Variants in AIM2 observed in about 807,000 individuals in gnomAD.
AIM2 encodes the protein interferon-inducible protein AIM2.
In AIM2, 30 loss-of-function variants were observed where a neutral mutation model predicts 27.7. The ratio of observed to expected loss-of-function variants is 1.08; its 90% CI spans 0.81 to 1.47. The LOEUF (loss-of-function observed/expected upper bound fraction) is 1.47. Ranked by LOEUF, AIM2 falls within the 40% of genes most tolerant of loss-of-function variation. AIM2 has a pLI of 0.00. For synonymous variants in AIM2, 141 were observed against 145.3 expected, an observed-to-expected ratio of 0.97 and a Z score of 0.21; for missense variants, 358 against 411.3, an observed-to-expected ratio of 0.87 and a Z score of 1.12.
At chr1:159,097,941 T>G (rs780190608) in intron 1 of AIM2, among the ~76,000 whole-genome samples, 1 of 152,142 alleles carries the variant, frequency 6.6e-6, no homozygotes, top group Non-Finnish European at 1.5e-5. Context: ...TTCGTTTTTC[T>G]CATTTTGTAC....
chr1:159,116,113 C>T (rs1029713688), intron 1 of AIM2, among the ~76,000 whole-genome samples: 3 of 151,642 alleles, frequency 2.0e-5, no homozygotes, highest in South Asian at 2.1e-4. Flanking sequence ...CAGAGAAATG[C>T]AAATCAAAAC....
chr1:159,060,029 C>T (rs1655780989), downstream of AIM2, among the ~76,000 whole-genome samples: 1 of 152,158 alleles, frequency 6.6e-6, no homozygotes, highest in Non-Finnish European at 1.5e-5. Flanking sequence ...AAACATTTTA[C>T]AGACCAGTTT....
chr1:159,135,239 C>T (rs530940926), intron 1 of AIM2, among the ~76,000 whole-genome samples: 1 of 152,246 alleles, frequency 6.6e-6, no homozygotes, highest in Non-Finnish European at 1.5e-5. Flanking sequence ...TCTATTTAAC[C>T]TGTCTCTAGA....
chr1:159,075,981 G>A (rs758325549), intron 1 of AIM2, among the ~76,000 whole-genome samples: 8 of 152,088 alleles, frequency 5.3e-5, no homozygotes, highest in Admixed American at 2.6e-4. Flanking sequence ...GTTGGTAAGC[G>A]CTGGAGAAAC....
At chr1:159,073,540 G>C (rs1312702153) in intron 1 of AIM2, 21 bp from the exon 2 acceptor site, 1 of 1,583,584 alleles carries the variant, frequency 6.3e-7, no homozygotes. Flanking sequence ...TCCAAAACAT[G>C]TAAGATTACA....
chr1:159,119,538 G>A (rs1480617865), intron 1 of AIM2, among the ~76,000 whole-genome samples: 1 of 151,942 alleles, frequency 6.6e-6, no homozygotes, highest in Non-Finnish European at 1.5e-5. Flanking sequence ...GACCCCAATT[G>A]TTCTCTAGAA....
At chr1:159,066,377 A>T (rs200960573) in intron 3 of AIM2, 48 bp from the exon 4 acceptor site, 1 of 1,544,140 alleles carries the variant, frequency 6.5e-7, no homozygotes, top group South Asian at 1.2e-5. Flanking sequence ...AAAAGGTACT[A>T]TTGAAAGGAC....
chr1:159,060,473 C>G (rs1429163790), downstream of AIM2, among the ~76,000 whole-genome samples: 1 of 152,170 alleles, frequency 6.6e-6, no homozygotes, highest in Non-Finnish European at 1.5e-5. Context: ...TTTACAAATG[C>G]ATGTAGTCAT....
At chr1:159,123,476 C>A (rs1354700642) in intron 1 of AIM2, 2 of 152,118 alleles carry the variant, frequency 1.3e-5, no homozygotes, top group Non-Finnish European at 1.5e-5. Flanking sequence ...TGTTTTCCAA[C>A]TTCGTCGTAT....
intron 1 of AIM2, among the ~76,000 whole-genome samples, chr1:159,104,359 A>G (rs747855780): frequency 6.6e-6 from 1 of 152,208 alleles, no homozygotes; most frequent in Non-Finnish European, 1.5e-5. Context: ...TAAATGTGCA[A>G]CTGAGGAACT....
chr1:159,113,721 A>G (rs1647253937), intron 1 of AIM2, among the ~76,000 whole-genome samples: 1 of 152,228 alleles, frequency 6.6e-6, no homozygotes, highest in African/African-American at 2.4e-5. Flanking sequence ...ACCTCACTGG[A>G]ATCTCCTTCC....
At chr1:159,123,162 G>C (rs1488378383) in intron 1 of AIM2, among the ~76,000 whole-genome samples, 1 of 152,108 alleles carries the variant, frequency 6.6e-6, no homozygotes, top group Non-Finnish European at 1.5e-5. Context: ...CATTATCATA[G>C]TTATTTATAG....
downstream of AIM2, among the ~76,000 whole-genome samples, chr1:159,059,308 G>A (rs925080680): frequency 3.9e-5 from 6 of 151,952 alleles, no homozygotes; most frequent in African/African-American, 1.5e-4. Flanking sequence ...GTATGTATAT[G>A]TGTGTGTATA....
At chr1:159,071,749 A>G (rs1000484870) in intron 2 of AIM2, among the ~76,000 whole-genome samples, 2 of 152,190 alleles carry the variant, frequency 1.3e-5, no homozygotes, top group African/African-American at 4.8e-5. Flanking sequence ...AACTCAAGTG[A>G]TCCACCCGCC....
intron 1 of AIM2, among the ~76,000 whole-genome samples, chr1:159,085,053 C>T (rs1006949497): frequency 7.9e-5 from 12 of 152,164 alleles, no homozygotes; most frequent in African/African-American, 2.9e-4. Context: ...ATCTACAGAA[C>T]AAATGCCACT....
upstream of AIM2, among the ~76,000 whole-genome samples, chr1:159,079,538 G>GT (rs1360401315): frequency 2.6e-5 from 4 of 152,072 alleles, no homozygotes; most frequent in African/African-American, 4.8e-5. Context: ...TTTTTTTCCA[G>GT]TTTTTTTCTT....
chr1:159,064,037 C>T (rs1326862468), intron 4 of AIM2, among the ~76,000 whole-genome samples: 1 of 152,104 alleles, frequency 6.6e-6, no homozygotes, highest in African/African-American at 2.4e-5. Context: ...ATATGTATAA[C>T]ACAAAAATAT....
At chr1:159,064,543 C>A (rs1415407298) in intron 4 of AIM2, among the ~76,000 whole-genome samples, 1 of 152,038 alleles carries the variant, frequency 6.6e-6, no homozygotes, top group Non-Finnish European at 1.5e-5. Context: ...TGGCTCACTG[C>A]AACCTCCAAC....
At chr1:159,112,245 A>G (rs1657591791) in intron 1 of AIM2, among the ~76,000 whole-genome samples, 1 of 152,200 alleles carries the variant, frequency 6.6e-6, no homozygotes, top group Admixed American at 6.5e-5. Flanking sequence ...GAGAAAAGAC[A>G]CAGCCGCCAA....
Sources: gnomAD v4.1 joint callset for allele counts (sites outside exome capture counted in the v4.1 genomes callset) on GRCh38, gnomAD v4.1.1 for gene constraint, MANE v1.5 for transcripts, NCBI Gene and HGNC (gene_info 2026-07-23, HGNC 2026-07-21) for gene names.